SYCP2L: variants seen among roughly 807,000 people sequenced by gnomAD.
SYCP2L encodes synaptonemal complex protein 2 like, also known as synaptonemal complex protein 2-like.
Under a neutral mutation model 125.8 loss-of-function variants are expected in SYCP2L, and 98 were observed. The observed-to-expected ratio is 0.78, with a 90% CI of 0.66 to 0.92. The LOEUF (loss-of-function observed/expected upper bound fraction) is 0.92. Ranked by LOEUF, SYCP2L falls within the 40% of genes least tolerant of loss-of-function variation. The probability of loss-of-function intolerance (pLI) is 0.00; values close to 1 mark genes in which losing one functional copy is unlikely to be tolerated. For missense variants in SYCP2L, 842 were observed against 936.4 expected, an observed-to-expected ratio of 0.90 and a Z score of 1.32; for synonymous variants, 317 against 325.4, an observed-to-expected ratio of 0.97 and a Z score of 0.28.
intron 14 of SYCP2L, among the ~76,000 whole-genome samples, chr6:10,920,584 A>T (rs1780779165): frequency 6.6e-6 from 1 of 152,220 alleles, no homozygotes; most frequent in Non-Finnish European, 1.5e-5. Context: ...TCATGGGAAG[A>T]AGGTAAATGT....
At position 10,907,732 on chromosome 6, in the gene SYCP2L, G is replaced by A. The variant is rs746284158; in HGVS notation, c.819+48G>A. 7 of 1,593,424 alleles carry A rather than the reference G, an allele frequency of 4.4e-6. No homozygotes were observed. The African/African-American group carries it at 9.4e-5, about 21-fold the overall frequency. ...TTTCTTATTAGCCAATATTTATTAA[G>A]CATCCGCTGAGAACTTTCCTGTGCA... On this transcript the variant is annotated intron_variant, in intron 10 of 29. Transcript: ENST00000283141.
chr6:10,916,441 G>A (rs1231318531), intron 14 of SYCP2L, among the ~76,000 whole-genome samples: 1 of 152,132 alleles, frequency 6.6e-6, no homozygotes, highest in Non-Finnish European at 1.5e-5. Context: ...CAGACTTTTT[G>A]ATGTAGGTGT....
intron 12 of SYCP2L, 100 bp downstream of exon 12, chr6:10,910,969 G>A: frequency 1.5e-6 from 2 of 1,316,828 alleles, no homozygotes; most frequent in African/African-American, 1.5e-5. Flanking sequence ...TAACTCAAAA[G>A]GGCTTTTTAA....
At chr6:10,972,366 T>C (rs1166073363) in intron 29 of SYCP2L, among the ~76,000 whole-genome samples, 2 of 152,228 alleles carry the variant, frequency 1.3e-5, no homozygotes, top group African/African-American at 4.8e-5. Flanking sequence ...TTGGATTAAA[T>C]GTGAACTAAA....
chr6:10,918,308 G>A (rs1235168836), intron 14 of SYCP2L, among the ~76,000 whole-genome samples: 2 of 151,838 alleles, frequency 1.3e-5, no homozygotes, highest in African/African-American at 4.8e-5. Flanking sequence ...GTATTTGGAT[G>A]TCTTGGTCTC....
chr6:10,887,768 A>G (rs1780101441), intron 1 of SYCP2L, among the ~76,000 whole-genome samples: 1 of 152,214 alleles, frequency 6.6e-6, no homozygotes, highest in Admixed American at 6.5e-5. Flanking sequence ...TCTGATAGCC[A>G]GGGGTAACTG....
chr6:10,914,287 C>T (rs1780653594), intron 14 of SYCP2L, among the ~76,000 whole-genome samples: 1 of 152,112 alleles, frequency 6.6e-6, no homozygotes, highest in Non-Finnish European at 1.5e-5. Flanking sequence ...GATATCCTTT[C>T]CCTACTTTTA....
intron 4 of SYCP2L, 21 bp from the exon 5 acceptor site, chr6:10,897,990 C>A (rs375376264): frequency 6.5e-7 from 1 of 1,534,300 alleles, no homozygotes; most frequent in South Asian, 1.1e-5. Flanking sequence ...TATGTAGTTA[C>A]GTTAGTGTCC....
At chr6:10,939,963 T>C (rs1250363255) in intron 21 of SYCP2L, among the ~76,000 whole-genome samples, 2 of 152,032 alleles carry the variant, frequency 1.3e-5, no homozygotes, top group African/African-American at 4.8e-5. Flanking sequence ...AGGTTAGGGG[T>C]TAATATTCAA....
intron 1 of SYCP2L, among the ~76,000 whole-genome samples, chr6:10,888,811 A>G (rs1780125708): frequency 6.6e-6 from 1 of 152,204 alleles, no homozygotes; most frequent in Non-Finnish European, 1.5e-5. Context: ...AAACTTAGAA[A>G]TTATAGATAC....
chr6:10,893,934 A>G lies in SYCP2L; in HGVS notation c.146A>G (p.Gln49Arg). ...GFQKIKEYFQ[Q>R]KESHFPQKYN... ...CAGAAAATAAAAGAATACTTTCAAC[A>G]GAAAGAGAGCCACTTTCCTCAAAAA... Residue 49 changes from glutamine to arginine, a missense_variant, in exon 3 of 30, where the codon CAG becomes CGG. Gln to Arg is a conservative substitution (Grantham distance 43). Transcript: ENST00000283141. 1 of 1,612,886 alleles carries G rather than the reference A, an allele frequency of 6.2e-7. No individual in the cohort carries two copies. The highest frequency in any genetic ancestry group is 1.3e-5 in the African/African-American group (1 of 74,984).
At chr6:10,951,377 C>T (rs745797825) in intron 23 of SYCP2L, among the ~76,000 whole-genome samples, 2 of 152,054 alleles carry the variant, frequency 1.3e-5, no homozygotes, top group Non-Finnish European at 2.9e-5. Flanking sequence ...GAGCTGTGAT[C>T]GTGCCACTGC....
At chr6:10,924,254 G>T (rs956352308) in intron 14 of SYCP2L, among the ~76,000 whole-genome samples, 9 of 152,146 alleles carry the variant, frequency 5.9e-5, no homozygotes, top group African/African-American at 2.2e-4. Context: ...TTGCTGCTAA[G>T]GTAAGTTACT....
chr6:10,925,259 C>G (rs1171891387), intron 15 of SYCP2L, among the ~76,000 whole-genome samples: 1 of 152,152 alleles, frequency 6.6e-6, no homozygotes, highest in Non-Finnish European at 1.5e-5. Flanking sequence ...TTTCAGTTAC[C>G]TCCCATGGGG....
At chr6:10,894,306 C>T in intron 4 of SYCP2L, 102 bp downstream of exon 4, 1 of 1,402,188 alleles carries the variant, frequency 7.1e-7, no homozygotes, top group South Asian at 1.3e-5. Flanking sequence ...CCTTTGAAAT[C>T]CAATTTGAAA....
chr6:10,931,613 C>A, intron 20 of SYCP2L, 124 bp downstream of exon 20: 1 of 910,092 alleles, frequency 1.1e-6, no homozygotes, highest in African/African-American at 1.7e-5. Flanking sequence ...GAATCACCGC[C>A]AATAGAAATT....
chr6:10,934,988 G>A, intron 20 of SYCP2L, 70 bp from the exon 21 acceptor site: 4 of 1,325,228 alleles, frequency 3.0e-6, no homozygotes, highest in Non-Finnish European at 4.1e-6. Flanking sequence ...TATTGAAAAT[G>A]TCTTACAATA....
At chr6:10,918,240 A>G (rs926713048) in intron 14 of SYCP2L, among the ~76,000 whole-genome samples, 7 of 151,892 alleles carry the variant, frequency 4.6e-5, no homozygotes, top group East Asian at 1.9e-4. Context: ...CCTGATGACA[A>G]TGTGCCTCGC....
intron 20 of SYCP2L, among the ~76,000 whole-genome samples, chr6:10,934,418 C>T (rs1781056049): frequency 6.6e-6 from 1 of 152,196 alleles, no homozygotes; most frequent in Non-Finnish European, 1.5e-5. Flanking sequence ...GTGGCACATG[C>T]CTGTAATCCC....
Sources: gnomAD v4.1 joint callset for allele counts (sites outside exome capture counted in the v4.1 genomes callset) on GRCh38, gnomAD v4.1.1 for gene constraint, MANE v1.5 for transcripts, NCBI Gene and HGNC (gene_info 2026-07-23, HGNC 2026-07-21) for gene names.